The following NF2 variants were observed in gnomAD, a reference collection of about 807,000 sequenced individuals.
NF2 encodes NF2, moesin-ezrin-radixin like (MERLIN) tumor suppressor.
Under a neutral mutation model 83.7 loss-of-function variants are expected in NF2, and 8 were observed. The ratio of observed to expected loss-of-function variants is 0.10; its 90% confidence interval spans 0.06 to 0.17. The LOEUF (loss-of-function observed/expected upper bound fraction) is 0.17, where lower values mean the gene tolerates loss of function less well. Ranked by LOEUF, NF2 falls within the 10% of genes least tolerant of loss-of-function variation. NF2 has a pLI of 1.00. For missense variants in NF2, 533 were observed against 744.4 expected (o/e 0.72, Z 3.31); for synonymous variants, 266 against 269.6 (o/e 0.99, Z 0.13).
At chr22:29,691,649 C>T (rs529056484) in intron 15 of NF2, among the ~76,000 whole-genome samples, 17 of 152,358 alleles carry the variant, frequency 1.1e-4, no homozygotes, top group African/African-American at 4.1e-4. Context: ...GTAAATGTAA[C>T]AGCCAGTGAG....
Position 29,603,649 on chromosome 22 carries a change from G to T in NF2, c.-350G>T, listed in dbSNP as rs2064700023. ...CGCGGCCCCGTGACCCTAGTCGGCC[G>T]CTGAGAGGCGCGCGGAGTCTGGGCC... On this transcript the variant is annotated 5_prime_UTR_variant, in exon 1 of 16. Transcript: ENST00000338641. 9.8e-6 allele frequency: 4 copies of T among 408,304 alleles called. No individual in the cohort carries two copies. Among genetic ancestry groups the T allele is most frequent in the Admixed American group, 8.7e-5 (2 of 23,050 alleles). The allele number at this position is 408,304 out of a possible 1,614,324, so 25.3% of individuals were successfully genotyped here. A position where few individuals can be genotyped will look rare whatever the true frequency, so the allele number is the denominator to read the frequency against.
intron 15 of NF2, among the ~76,000 whole-genome samples, chr22:29,689,406 C>G (rs1428287711): frequency 1.3e-5 from 2 of 152,002 alleles, no homozygotes; most frequent in East Asian, 3.9e-4. Flanking sequence ...AGGATCTGCA[C>G]GTCCTTTTGT....
chr22:29,643,862 GGC>G (rs1336500300), intron 4 of NF2, among the ~76,000 whole-genome samples: 1 of 152,088 alleles, frequency 6.6e-6, no homozygotes, highest in African/African-American at 2.4e-5. Context: ...TCCCAGTAGG[GGC>G]GGCCGGGCAG....
intron 6 of NF2, among the ~76,000 whole-genome samples, 195 bp downstream of exon 6, chr22:29,655,871 G>T (rs1569294425): frequency 6.6e-6 from 1 of 152,038 alleles, no homozygotes; most frequent in Non-Finnish European, 1.5e-5. Flanking sequence ...TAGTACGTAT[G>T]ACATAAAGTA....
intron 1 of NF2, among the ~76,000 whole-genome samples, chr22:29,622,053 A>T (rs1181172239): frequency 6.6e-6 from 1 of 152,232 alleles, no homozygotes; most frequent in Non-Finnish European, 1.5e-5. Flanking sequence ...GTAAAAGAGA[A>T]GTAGGAGAGA....
chr22:29,633,831 T>G (rs1300206468), intron 1 of NF2, among the ~76,000 whole-genome samples: 2 of 152,248 alleles, frequency 1.3e-5, no homozygotes, highest in Non-Finnish European at 2.9e-5. Context: ...CTGTTTCTCC[T>G]GCAGAACACT....
chr22:29,608,172 CAAAAAAAAAA>C lies in NF2; in HGVS notation c.114+4076_114+4085del, dbSNP rs570144418. ...TGGGCAACAGAGCAAGACTCTGTCTCAAAAAAAAAAAAAAAAAAAAAAAAAGTACAATAAC... is the reference window on the plus strand; with the variant it reads ...TGGGCAACAGAGCAAGACTCTGTCTCAAAAAAAAAAAAAAAGTACAATAAC... On this transcript the variant is annotated intron_variant, in intron 1 of 15. Transcript: ENST00000338641. Among the ~76,000 whole-genome samples the C allele has an allele frequency of 8.3e-3, 264 of 31,732 alleles. 4 individuals are homozygous for C. Among genetic ancestry groups the C allele is most frequent in the African/African-American group, 0.036 (256 of 7,014 alleles). 20.8% of individuals were successfully genotyped at this position (31,732 alleles called of 152,430 possible). A position where few individuals can be genotyped will look rare whatever the true frequency, so the allele number is the denominator to read the frequency against.
upstream of NF2, chr22:29,603,600 C>A: frequency 2.5e-6 from 1 of 398,048 alleles, no homozygotes; most frequent in Admixed American, 4.4e-5. Context: ...GACAGCCACG[C>A]GCGCGCGTAC....
intron 4 of NF2, among the ~76,000 whole-genome samples, chr22:29,650,552 TTC>T (rs376093799): frequency 5.3e-5 from 8 of 151,086 alleles, no homozygotes; most frequent in East Asian, 1.9e-4. Flanking sequence ...TTCTCTTTCT[TTC>T]TCTCTCTCTC....
intron 12 of NF2, 93 bp downstream of exon 12, chr22:29,673,579 C>T (rs1236280429): frequency 3.6e-6 from 5 of 1,374,640 alleles, no homozygotes; most frequent in South Asian, 1.2e-5. Flanking sequence ...CAGTTGTCCT[C>T]AAGCTGCTTG....
chr22:29,650,526 T>G (rs534639845), intron 4 of NF2, among the ~76,000 whole-genome samples: 86 of 152,088 alleles, frequency 5.7e-4, no homozygotes, highest in African/African-American at 2.0e-3. Context: ...GTTTCTTTCT[T>G]TTTCTTTCTT....
chr22:29,642,229 A>T lies in NF2; in HGVS notation c.391A>T (p.Ile131Phe), dbSNP rs878853927. ...AAAGAAGCAGATTTTAGATGAAAAG[A>T]TCTACTGCCCTCCTGAGGCTTCTGT... is the stretch of plus-strand genomic sequence containing the variant. Reference protein sequence around the residue: ...QVKKQILDEKIYCPPEASVLL... With the variant: ...QVKKQILDEKFYCPPEASVLL... Residue 131 changes from isoleucine to phenylalanine, a missense_variant, in exon 4 of 16, where the codon ATC becomes TTC. Around this residue, in one of 3 missense-constraint regions of NF2, gnomAD observed 326 missense variants for 475.1 expected, o/e 0.69. Transcript: ENST00000338641. The T allele has an allele frequency of 6.2e-7, 1 of 1,614,046 alleles. No individual in the cohort carries two copies. Among genetic ancestry groups the T allele is most frequent in the Non-Finnish European group, 8.5e-7 (1 of 1,179,906 alleles).
chr22:29,643,730 T>G (rs1470522943), intron 4 of NF2, among the ~76,000 whole-genome samples: 1 of 152,220 alleles, frequency 6.6e-6, no homozygotes, highest in Non-Finnish European at 1.5e-5. Flanking sequence ...TTCTCAATCT[T>G]TTCCCCACCT....
At chr22:29,627,875 AG>A (rs1438593286) in intron 1 of NF2, among the ~76,000 whole-genome samples, 4 of 152,190 alleles carry the variant, frequency 2.6e-5, no homozygotes, top group African/African-American at 9.6e-5. Flanking sequence ...TTCCTTGCCA[AG>A]GTATTTTTAG....
chr22:29,683,143 C>A, intron 15 of NF2: 1 of 1,613,986 alleles, frequency 6.2e-7, no homozygotes, highest in South Asian at 1.1e-5. Context: ...GCTTGCCTGT[C>A]TCTGTCCTCG....
In NF2 at chr22:29,689,646, A is replaced by C. The variant is rs1029764703; in HGVS notation, c.1738-5106A>C. 1.1e-3 allele frequency among the ~76,000 whole-genome samples: 174 copies of C among 152,074 alleles called. 2 individuals carry two copies. Among genetic ancestry groups the C allele is most frequent in the Non-Finnish European group, 1.8e-3 (125 of 68,012 alleles). On this transcript the variant is annotated intron_variant, in intron 15 of 15. Coordinates refer to ENST00000338641, the MANE Select transcript of NF2 (RefSeq NM_000268.4). ...CCTTCTTTTCTCCTCCCCTGGGATG[A>C]GTGGATTGAGGCAAGGCCCCCAGAG...
In NF2 at chr22:29,671,844, G is replaced by T. The variant is rs780430071; in HGVS notation, c.1018G>T (p.Ala340Ser). 2.5e-6 allele frequency: 4 copies of T among 1,613,894 alleles called. No homozygotes were observed. Among genetic ancestry groups the T allele is most frequent in the Admixed American group, 1.7e-5 (1 of 60,008 alleles). ...CTCGCAGATGGAGCGGCAGCGCCTC[G>T]CTCGAGAGAAGCAGATGAGGGAGGA... ...ARKQMERQRL[A>S]REKQMREEAE... is the part of the protein sequence containing the mutation. The change falls in exon 11 of 16, where the codon GCT becomes TCT. Residue 340 changes from alanine (A) to serine (S), a missense_variant. Around this residue, in one of 3 missense-constraint regions of NF2, gnomAD observed 326 missense variants for 475.1 expected, o/e 0.69. Coordinates refer to ENST00000338641, the MANE Select transcript of NF2 (RefSeq NM_000268.4).
intron 15 of NF2, among the ~76,000 whole-genome samples, chr22:29,690,706 T>C (rs907713195): frequency 6.6e-6 from 1 of 152,204 alleles, no homozygotes; most frequent in Admixed American, 6.5e-5. Flanking sequence ...ATTCCTCCTG[T>C]GTTATTCACA....
intron 12 of NF2, 144 bp downstream of exon 12, chr22:29,673,630 G>A: frequency 1.1e-6 from 1 of 903,682 alleles, no homozygotes; most frequent in Non-Finnish European, 1.7e-6. Context: ...CTTGGCTGAT[G>A]GTGACTGGTG....
Sources: allele counts gnomAD v4.1 joint callset (sites outside exome capture counted in the v4.1 genomes callset), GRCh38; gene constraint gnomAD v4.1.1; regional missense constraint gnomAD v4.1.1; transcripts MANE v1.5; gene names NCBI Gene and HGNC (gene_info 2026-07-23, HGNC 2026-07-21).